KPTN: variants seen among roughly 807,000 people sequenced by gnomAD.
KPTN encodes the protein kaptin, actin binding protein, also known as KICSTOR complex protein kaptin.
Under a neutral mutation model 52.6 loss-of-function variants are expected in KPTN, and 36 were observed. The observed-to-expected ratio is 0.68, with a 90% CI of 0.52 to 0.90. KPTN has a LOEUF of 0.90. Ranked by LOEUF, KPTN falls within the 40% of genes least tolerant of loss-of-function variation. The probability of loss-of-function intolerance (pLI) is 0.00; values close to 1 mark genes in which losing one functional copy is unlikely to be tolerated. For missense variants in KPTN, 529 were observed against 576.2 expected (o/e 0.92, Z 0.84); for synonymous variants, 271 against 248.4 (o/e 1.09, Z -0.85).
intron 7 of KPTN, 56 bp downstream of exon 7, chr19:47,480,240 TGG>T: frequency 3.0e-6 from 1 of 329,898 alleles, no homozygotes; most frequent in African/African-American, 4.0e-5. Flanking sequence ...AGCCCCACCC[TGG>T]CCCCGCCCTC....
chr19:47,475,922 CT>C (rs1157321513), intron 11 of KPTN, among the ~76,000 whole-genome samples: 3 of 150,736 alleles, frequency 2.0e-5, no homozygotes, highest in Admixed American at 2.0e-4. Context: ...GATCACACCA[CT>C]GCACACCAGC....
chr19:47,476,680 G>C lies in KPTN; in HGVS notation c.1034C>G (p.Ser345Trp), dbSNP rs763172380. The C allele has an allele frequency of 1.9e-6, 3 of 1,612,650 alleles. No homozygotes were observed. The South Asian group carries it at 3.3e-5, about 18-fold the overall frequency. ...CCCGTGCTGGGCCTCAGGAAGCCCC[G>C]ACTCTGGGCCCCGGTACTTATAACA... The part of the protein sequence containing the change: ...LLCYKYRGPE[S>W]GLPEAQHGFH... The change falls in exon 11 of 12, where the codon TCG becomes TGG. Residue 345 changes from serine to tryptophan, a missense_variant. By Grantham distance (177) the Ser-to-Trp change is radical. Transcript: ENST00000338134.
At position 47,483,460 on chromosome 19, in the gene KPTN, G is replaced by T. The variant is rs138740438; in HGVS notation, c.309+42C>A. On this transcript the variant is annotated intron_variant, in intron 2 of 11. Transcript: ENST00000338134. ...CGGCTCAGTGGAACTCACCATGTGTGTAAGGAGGAGGGCGAAGGGAGGTGG... is the reference window on the plus strand; with the variant it reads ...CGGCTCAGTGGAACTCACCATGTGTTTAAGGAGGAGGGCGAAGGGAGGTGG... 2.8e-4 allele frequency: 444 copies of T among 1,595,052 alleles called. 4 individuals carry two copies. In the African/African-American group the frequency reaches 5.2e-3, roughly 19 times the overall value.
chr19:47,476,719 G>C lies in KPTN; in HGVS notation c.1000-5C>G, dbSNP rs1046029135. 1.2e-6 allele frequency: 2 copies of C among 1,609,806 alleles called. No homozygotes were observed. Among genetic ancestry groups the C allele is most frequent in the East Asian group, 2.2e-5 (1 of 44,626 alleles). On this transcript the variant is annotated splice_region_variant and splice_polypyrimidine_tract_variant and intron_variant, in intron 10 of 11. Transcript: ENST00000338134. ...GTACTTATAACACAGCAGTTCCTGC[G>C]GGGGTGAAGAATCAGGTCACACAGG...
chr19:47,478,026 C>T (rs1967735402), intron 8 of KPTN, among the ~76,000 whole-genome samples: 1 of 150,632 alleles, frequency 6.6e-6, no homozygotes, highest in Non-Finnish European at 1.5e-5. Context: ...CACCACTGCA[C>T]TCCAGCCTGG....
intron 4 of KPTN, among the ~76,000 whole-genome samples, chr19:47,482,612 T>C (rs1182202102): frequency 6.6e-6 from 1 of 152,242 alleles, no homozygotes; most frequent in Non-Finnish European, 1.5e-5. Flanking sequence ...TATGTGTGTG[T>C]GCACATGTGC....
chr19:47,484,293 T>C (rs1347063495), upstream of KPTN: 9 of 1,208,748 alleles, frequency 7.4e-6, no homozygotes, highest in Non-Finnish European at 7.8e-6. Flanking sequence ...GCTGCCGGCG[T>C]TGCCCTCTCC....
At chr19:47,484,295 G>A (rs538325093), upstream of KPTN, 1 of 1,189,408 alleles carries the variant, frequency 8.4e-7, no homozygotes, top group South Asian at 1.6e-5. Context: ...TGCCGGCGTT[G>A]CCCTCTCCCA....
intron 6 of KPTN, 33 bp from the exon 7 acceptor site, chr19:47,480,440 C>T: frequency 6.8e-7 from 1 of 1,466,122 alleles, no homozygotes; most frequent in Non-Finnish European, 9.2e-7. Flanking sequence ...GGACGGACGG[C>T]CATTGCTGGG....
In KPTN at chr19:47,476,573, C is replaced by G; in HGVS notation, c.1141G>C (p.Glu381Gln). Residue 381 changes from glutamate to glutamine, a missense_variant, in exon 11 of 12, where the codon GAG (glutamate) becomes CAG (glutamine). Transcript: ENST00000338134. Reference protein sequence around the residue: ...HVDLTGDGLQELAVVSLKGVH... With the variant: ...HVDLTGDGLQQLAVVSLKGVH... ...CCCTTCAGGGAGACCACGGCAAGCT[C>G]CTGCAGCCCATCCCCGGTCAGGTCC... The G allele has an allele frequency of 6.2e-7, 1 of 1,611,772 alleles. No homozygotes were observed.
At chr19:47,480,868 A>G in intron 5 of KPTN, 35 bp from the exon 6 acceptor site, 1 of 1,613,520 alleles carries the variant, frequency 6.2e-7, no homozygotes, top group Non-Finnish European at 8.5e-7. Context: ...CCCCCGCTTA[A>G]GTCAGCCGTC....
intron 8 of KPTN, 88 bp downstream of exon 8, chr19:47,479,775 G>A: frequency 1.8e-6 from 2 of 1,085,688 alleles, no homozygotes; most frequent in Non-Finnish European, 2.8e-6. Flanking sequence ...GGAGAGGGGT[G>A]CAAATCTGGG....
chr19:47,477,767 G>A lies in KPTN; in HGVS notation c.802C>T (p.Pro268Ser), dbSNP rs1967723742. 3.1e-6 allele frequency: 5 copies of A among 1,613,066 alleles called. No individual in the cohort carries two copies. Among genetic ancestry groups the A allele is most frequent in the Admixed American group, 1.7e-5 (1 of 59,982 alleles). ...LSAAKETKDRPLQDEYSVLVA... is the reference protein window; with the variant it reads ...LSAAKETKDRSLQDEYSVLVA... ...AGCACGCTGTACTCATCTTGTAGTG[G>A]CCTGTCCTTGGTCTCTGGAGAAGAA... Residue 268 changes from proline to serine, a missense_variant, in exon 9 of 12, where the codon CCA becomes TCA. By Grantham distance (74) the Pro-to-Ser change is moderately conservative (BLOSUM62 -1). Coordinates refer to ENST00000338134, the MANE Select transcript of KPTN (RefSeq NM_007059.4).
chr19:47,477,516 C>G (rs1030954574), intron 9 of KPTN, among the ~76,000 whole-genome samples, 190 bp downstream of exon 9: 1 of 152,020 alleles, frequency 6.6e-6, no homozygotes, highest in East Asian at 1.9e-4. Context: ...CTCCCACCCC[C>G]CAGCCTCAAC....
At chr19:47,479,530 G>A (rs1025446263) in intron 8 of KPTN, among the ~76,000 whole-genome samples, 2 of 152,260 alleles carry the variant, frequency 1.3e-5, no homozygotes, top group Admixed American at 6.5e-5. Flanking sequence ...GATGTGAGAC[G>A]TGCAGGTTAG....
In KPTN at chr19:47,484,064, C is replaced by G; in HGVS notation, c.97G>C (p.Gly33Arg). 1.9e-6 allele frequency: 3 copies of G among 1,610,812 alleles called. No homozygotes were observed. The highest frequency in any genetic ancestry group is 2.5e-6 in the Non-Finnish European group (3 of 1,179,826). Reference sequence around the variant, plus strand: ...AGCTCCCCGCGCCCGCCGGCGCCGCCTGCCAGCCCGTACACATTGCTCTGC... The same window carrying G: ...AGCTCCCCGCGCCCGCCGGCGCCGCGTGCCAGCCCGTACACATTGCTCTGC... ...SSQSNVYGLA[G>R]GAGGRGELLA... The change falls in exon 1 of 12, where the codon GGC becomes CGC. Residue 33 changes from glycine to arginine, a missense_variant. Gly to Arg is a moderately radical substitution (Grantham distance 125). Transcript: ENST00000338134.
chr19:47,478,395 T>A (rs529826795), intron 8 of KPTN, among the ~76,000 whole-genome samples: 1 of 151,844 alleles, frequency 6.6e-6, no homozygotes, highest in East Asian at 2.0e-4. Context: ...CTGGCCAACA[T>A]GGTGAAACCC....
At chr19:47,477,587 T>G in intron 9 of KPTN, 119 bp downstream of exon 9, 1 of 711,806 alleles carries the variant, frequency 1.4e-6, no homozygotes, top group South Asian at 1.5e-5. Flanking sequence ...CACGAGTATC[T>G]GTACTTGTCC....
At chr19:47,484,741 C>T (rs1968021187), upstream of KPTN, among the ~76,000 whole-genome samples, 1 of 141,406 alleles carries the variant, frequency 7.1e-6, no homozygotes, top group South Asian at 2.2e-4. Context: ...CGGAGTCTTG[C>T]TCTGTCACCC....
Sources: allele counts gnomAD v4.1 joint callset (sites outside exome capture counted in the v4.1 genomes callset), GRCh38; gene constraint gnomAD v4.1.1; transcripts MANE v1.5; gene names NCBI Gene and HGNC (gene_info 2026-07-23, HGNC 2026-07-21).